Variants in BLZF1 observed in about 807,000 individuals in gnomAD.
BLZF1 encodes golgin-45.
A neutral mutation model predicts 43.8 loss-of-function variants in BLZF1; 39 were observed. The ratio of observed to expected loss-of-function variants is 0.89; its 90% CI spans 0.69 to 1.16. The LOEUF (loss-of-function observed/expected upper bound fraction) is 1.16, where lower values mean the gene tolerates loss of function less well. Ranked by LOEUF, BLZF1 falls within the 50% of genes most tolerant of loss-of-function variation. The pLI, the probability that BLZF1 is intolerant of heterozygous loss-of-function variation, is 0.00. For synonymous variants in BLZF1, 136 were observed against 159.4 expected (o/e 0.85, Z 1.11); for missense variants, 449 against 469.8 (o/e 0.96, Z 0.41).
At chr1:169,380,737 T>C in intron 5 of BLZF1, 128 bp downstream of exon 5, 1 of 1,010,444 alleles carries the variant, frequency 9.9e-7, no homozygotes, top group Non-Finnish European at 1.4e-6. Flanking sequence ...ACTGAGCATA[T>C]ACTTTTAGTA....
In BLZF1 at chr1:169,382,231, C is replaced by A. The variant is rs756777650; in HGVS notation, c.967C>A (p.Pro323Thr). The part of the protein sequence containing the change: ...NVGINNQKKI[P>T]STVEFCSTPA... ...TGGCATTAACAATCAAAAAAAGATT[C>A]CATCAACAGTTGAATTCTGCAGCAC... is the stretch of plus-strand genomic sequence containing the variant. Residue 323 changes from proline (P) to threonine (T), a missense_variant, in exon 6 of 7, where the codon CCA (proline) becomes ACA (threonine). By Grantham distance (38) the Pro-to-Thr change is conservative. Coordinates refer to ENST00000367808, the MANE Select transcript of BLZF1 (RefSeq NM_001320973.2). The A allele has an allele frequency of 6.2e-7, 1 of 1,613,606 alleles. No individual in the cohort carries two copies. The highest frequency in any genetic ancestry group is 1.3e-5 in the African/African-American group (1 of 74,872).
downstream of BLZF1, among the ~76,000 whole-genome samples, chr1:169,392,158 T>C (rs1402774097): frequency 1.3e-5 from 2 of 151,612 alleles, no homozygotes; most frequent in Admixed American, 1.3e-4. Flanking sequence ...ATTATTAAGA[T>C]GGCAGTACTA....
chr1:169,376,773 A>T lies in BLZF1; in HGVS notation c.262A>T (p.Ile88Leu). 6.2e-7 allele frequency: 1 copy of T among 1,613,430 alleles called. No homozygotes were observed. Among genetic ancestry groups the T allele is most frequent in the South Asian group, 1.1e-5 (1 of 91,056 alleles). The change falls in exon 3 of 7, where the codon ATA (isoleucine) becomes TTA (leucine). Residue 88 changes from isoleucine to leucine, a missense_variant. By Grantham distance (5) the Ile-to-Leu change is conservative (BLOSUM62 2). Coordinates refer to ENST00000367808, the MANE Select transcript of BLZF1 (RefSeq NM_001320973.2). ...AVRILVPKAA[I>L]THDIPNKNTK... ...AAGAATATTAGTTCCCAAAGCTGCT[A>T]TAACTCATGATATCCCCAACAAAAA...
intron 5 of BLZF1, 25 bp downstream of exon 5, chr1:169,380,634 A>T: frequency 6.2e-7 from 1 of 1,608,032 alleles, no homozygotes; most frequent in Non-Finnish European, 8.5e-7. Context: ...TACATTCTGA[A>T]CTCTTCTGCT....
At chr1:169,374,570 CATTA>C (rs1654235706) in intron 2 of BLZF1, among the ~76,000 whole-genome samples, 1 of 152,120 alleles carries the variant, frequency 6.6e-6, no homozygotes, top group Non-Finnish European at 1.5e-5. Context: ...AAATAGAACA[CATTA>C]ATTATACCTC....
At chr1:169,385,425 A>G (rs1654639153) in intron 6 of BLZF1, among the ~76,000 whole-genome samples, 1 of 152,190 alleles carries the variant, frequency 6.6e-6, no homozygotes, top group Non-Finnish European at 1.5e-5. Context: ...TCTCTCTGAA[A>G]GGCACCCTGC....
chr1:169,381,088 CAA>C (rs1485992927), intron 5 of BLZF1, among the ~76,000 whole-genome samples: 2 of 151,544 alleles, frequency 1.3e-5, no homozygotes, highest in African/African-American at 2.4e-5. Flanking sequence ...CAGTAAGTGT[CAA>C]AGAGCAAATT....
At chr1:169,372,630 T>G (rs1654159891) in intron 2 of BLZF1, among the ~76,000 whole-genome samples, 1 of 152,150 alleles carries the variant, frequency 6.6e-6, no homozygotes, top group South Asian at 2.1e-4. Context: ...TGAGGTTAAG[T>G]GCTTTGTCCA....
chr1:169,382,696 A>G (rs1654560604), intron 6 of BLZF1, among the ~76,000 whole-genome samples: 1 of 152,204 alleles, frequency 6.6e-6, no homozygotes, highest in Non-Finnish European at 1.5e-5. Context: ...TACAGATAGT[A>G]TAGTCCTGGA....
intron 6 of BLZF1, 45 bp downstream of exon 6, chr1:169,382,326 C>A: frequency 6.6e-7 from 1 of 1,525,590 alleles, no homozygotes; most frequent in Non-Finnish European, 9.0e-7. Context: ...TAACACTGTC[C>A]TTTTACTGAA....
At chr1:169,385,056 G>A (rs760791702) in intron 6 of BLZF1, among the ~76,000 whole-genome samples, 4 of 152,184 alleles carry the variant, frequency 2.6e-5, no homozygotes, top group Non-Finnish European at 5.9e-5. Flanking sequence ...GTTGCTGCCA[G>A]TAGCATTTGG....
In BLZF1 at chr1:169,369,555, G is replaced by C; in HGVS notation, c.28+5G>C. The C allele has an allele frequency of 6.2e-7, 1 of 1,604,060 alleles. No homozygotes were observed. The highest frequency in any genetic ancestry group is 1.1e-5 in the South Asian group (1 of 89,994). On this transcript the variant is annotated splice_donor_5th_base_variant and intron_variant, in intron 2 of 6. Coordinates refer to ENST00000367808, the MANE Select transcript of BLZF1 (RefSeq NM_001320973.2). ...CTAAAAATTTAGAAACCAAAGGTAA[G>C]TGGCTTTTTTATAATTGTTTTTAAA...
exon 8 of BLZF1, chr1:169,396,436 G>A (rs933037277): frequency 6.6e-6 from 1 of 152,130 alleles, no homozygotes; most frequent in African/African-American, 2.4e-5. Flanking sequence ...CACACCTGTG[G>A]TCCCAGCTAC....
Sources: allele counts gnomAD v4.1 joint callset (sites outside exome capture counted in the v4.1 genomes callset), GRCh38; gene constraint gnomAD v4.1.1; transcripts MANE v1.5; gene names NCBI Gene and HGNC (gene_info 2026-07-23, HGNC 2026-07-21).